The following CNTN5 variants were observed in gnomAD, a reference collection of about 807,000 sequenced individuals.
CNTN5 encodes the protein contactin 5.
Under a neutral mutation model 129.1 loss-of-function variants are expected in CNTN5, and 77 were observed. The observed-to-expected ratio is 0.60, with a 90% CI of 0.50 to 0.72. The LOEUF (loss-of-function observed/expected upper bound fraction) is 0.72, where lower values mean the gene tolerates loss of function less well. Ranked by LOEUF, CNTN5 falls within the 30% of genes least tolerant of loss-of-function variation. The pLI, the probability that CNTN5 is intolerant of heterozygous loss-of-function variation, is 0.00. For synonymous variants in CNTN5, 509 were observed against 465.6 expected (o/e 1.09, Z -1.20); for missense variants, 1,478 against 1,328.8 (o/e 1.11, Z -1.75).
At chr11:100,074,016 T>C in intron 12 of CNTN5, 128 bp from the exon 13 acceptor site, 1 of 781,590 alleles carries the variant, frequency 1.3e-6, no homozygotes, top group Non-Finnish European at 2.0e-6. Flanking sequence ...GCCTTTTTCA[T>C]GTGTAGATAT....
chr11:99,730,510 A>G (rs555658578), intron 3 of CNTN5, among the ~76,000 whole-genome samples: 1 of 152,320 alleles, frequency 6.6e-6, no homozygotes, highest in African/African-American at 2.4e-5. Flanking sequence ...TTAGACATTT[A>G]CAAAATCATT....
chr11:99,422,553 T>TATAG (rs1565569389), intron 2 of CNTN5, among the ~76,000 whole-genome samples: 1 of 141,212 alleles, frequency 7.1e-6, no homozygotes, highest in East Asian at 2.0e-4. Flanking sequence ...TATATATATA[T>TATAG]ATATATATCT....
intron 3 of CNTN5, among the ~76,000 whole-genome samples, chr11:99,819,313 TCCTCC>T (rs1565566894): frequency 9.1e-3 from 164 of 17,942 alleles, no homozygotes; most frequent in Middle Eastern, 0.031. Context: ...CCCTCCCCTC[TCCTCC>T]CCTCCCCTCC....
chr11:99,787,771 A>G (rs1233933557), intron 3 of CNTN5, among the ~76,000 whole-genome samples: 2 of 152,170 alleles, frequency 1.3e-5, no homozygotes, highest in Non-Finnish European at 2.9e-5. Flanking sequence ...TGTGCTATAC[A>G]TATAATTAAG....
chr11:100,352,984 T>C (rs2139043788), intron 24 of CNTN5, among the ~76,000 whole-genome samples: 1 of 151,744 alleles, frequency 6.6e-6, no homozygotes, highest in African/African-American at 2.4e-5. Flanking sequence ...ATTTTATCTT[T>C]CTAGCAATCC....
intron 1 of CNTN5, among the ~76,000 whole-genome samples, chr11:99,311,680 C>G (rs1046263888): frequency 5.3e-5 from 8 of 151,972 alleles, no homozygotes. Flanking sequence ...TTGAAATAAG[C>G]CTTTTTAAAA....
At chr11:100,044,131 T>A (rs1406696625) in intron 9 of CNTN5, among the ~76,000 whole-genome samples, 2 of 136,458 alleles carry the variant, frequency 1.5e-5, no homozygotes, top group Admixed American at 1.5e-4. Flanking sequence ...TAGACTTACA[T>A]GTACATGTGT....
intron 3 of CNTN5, among the ~76,000 whole-genome samples, chr11:99,591,292 C>T (rs1246830836): frequency 1.3e-5 from 2 of 150,132 alleles, no homozygotes; most frequent in Non-Finnish European, 3.0e-5. Flanking sequence ...CTCCACCAGA[C>T]ATCTGCTTAT....
intron 1 of CNTN5, among the ~76,000 whole-genome samples, chr11:99,065,702 C>T (rs1044851327): frequency 2.6e-5 from 4 of 151,696 alleles, no homozygotes; most frequent in Admixed American, 2.6e-4. Flanking sequence ...ATACCACCTA[C>T]ACATGTGGAC....
intron 8 of CNTN5, 109 bp from the exon 9 acceptor site, chr11:100,001,925 A>G: frequency 1.3e-6 from 1 of 756,116 alleles, no homozygotes; most frequent in South Asian, 1.8e-5. Flanking sequence ...ACAGTCATCA[A>G]ACAGACATTA....
chr11:100,056,831 G>C (rs976658863), intron 9 of CNTN5, among the ~76,000 whole-genome samples: 2 of 151,670 alleles, frequency 1.3e-5, no homozygotes, highest in Non-Finnish European at 3.0e-5. Context: ...GGTTATTTTA[G>C]TGTACAAGGA....
intron 2 of CNTN5, among the ~76,000 whole-genome samples, chr11:99,338,981 G>GTGTA (rs35294345): frequency 0.29 from 36,422 of 125,732 alleles, 5,130 homozygotes; most frequent in South Asian, 0.38. Flanking sequence ...GTGTGTGTGT[G>GTGTA]TATATATATA....
At chr11:99,853,743 A>T (rs951521685) in intron 6 of CNTN5, among the ~76,000 whole-genome samples, 3 of 152,178 alleles carry the variant, frequency 2.0e-5, no homozygotes, top group Non-Finnish European at 4.4e-5. Flanking sequence ...TTGTAGGCCA[A>T]CTGCTAAACA....
chr11:99,877,146 G>A (rs1315501945), intron 6 of CNTN5, among the ~76,000 whole-genome samples: 2 of 152,012 alleles, frequency 1.3e-5, no homozygotes, highest in African/African-American at 4.8e-5. Flanking sequence ...ATACCCTTTG[G>A]AAATTAACTT....
intron 1 of CNTN5, among the ~76,000 whole-genome samples, chr11:99,066,699 A>G (rs1865117689): frequency 6.6e-6 from 1 of 152,152 alleles, no homozygotes; most frequent in Admixed American, 6.6e-5. Context: ...AGATCTGACT[A>G]TGGGAACCTA....
chr11:100,252,254 T>C (rs1949977696), intron 16 of CNTN5, among the ~76,000 whole-genome samples: 1 of 152,162 alleles, frequency 6.6e-6, no homozygotes, highest in Admixed American at 6.6e-5. Context: ...TGTTTTTTAA[T>C]AGCGTTGTTT....
chr11:100,341,257 TA>T, intron 23 of CNTN5, 52 bp downstream of exon 23: 1 of 1,321,668 alleles, frequency 7.6e-7, no homozygotes, highest in Non-Finnish European at 1.1e-6. Context: ...AAATTGTTAT[TA>T]TGAAGATGGA....
intron 2 of CNTN5, among the ~76,000 whole-genome samples, chr11:99,440,801 T>G (rs1389097283): frequency 6.6e-6 from 1 of 152,160 alleles, no homozygotes; most frequent in Non-Finnish European, 1.5e-5. Context: ...GGAAGTCATA[T>G]TCTGTTGGTG....
At chr11:100,260,491 A>C (rs542010206) in intron 17 of CNTN5, among the ~76,000 whole-genome samples, 1 of 152,278 alleles carries the variant, frequency 6.6e-6, no homozygotes, top group Admixed American at 6.5e-5. Flanking sequence ...AGGCACAACA[A>C]AAAAAGAAAA....
Sources: gnomAD v4.1 joint callset for allele counts (sites outside exome capture counted in the v4.1 genomes callset) on GRCh38, gnomAD v4.1.1 for gene constraint, MANE v1.5 for transcripts, NCBI Gene and HGNC (gene_info 2026-07-23, HGNC 2026-07-21) for gene names.